VMP1: variants seen among roughly 807,000 people sequenced by gnomAD.
VMP1 encodes ectopic P-granules autophagy protein 3 homolog.
In VMP1, 11 loss-of-function variants were observed where a neutral mutation model predicts 56.0. The observed-to-expected ratio is 0.20, with a 90% confidence interval of 0.12 to 0.32. The LOEUF (loss-of-function observed/expected upper bound fraction) is 0.32, where lower values mean the gene tolerates loss of function less well. VMP1 is among the 10% of genes least tolerant of loss of function. The pLI is 1.00. For missense variants in VMP1, 296 were observed against 490.3 expected, an observed-to-expected ratio of 0.60 and a Z score of 3.74; for synonymous variants, 149 against 165.0, an observed-to-expected ratio of 0.90 and a Z score of 0.74.
chr17:59,753,493 A>G (rs2035729396), intron 5 of VMP1, among the ~76,000 whole-genome samples: 1 of 152,200 alleles, frequency 6.6e-6, no homozygotes, highest in South Asian at 2.1e-4. Flanking sequence ...GTTACAAGAC[A>G]AAAAGATGAT....
chr17:59,790,015 A>T (rs2037168867), intron 7 of VMP1, among the ~76,000 whole-genome samples: 1 of 151,184 alleles, frequency 6.6e-6, no homozygotes, highest in Non-Finnish European at 1.5e-5. Flanking sequence ...GTTTTTTTGT[A>T]TTTCTAGTAG....
chr17:59,788,593 CG>C (rs2144106927), intron 7 of VMP1, among the ~76,000 whole-genome samples: 1 of 152,106 alleles, frequency 6.6e-6, no homozygotes, highest in African/African-American at 2.4e-5. Context: ...CACCTGAGGT[CG>C]GAAGTTCCAG....
chr17:59,753,577 G>A (rs753551622), intron 5 of VMP1, among the ~76,000 whole-genome samples: 1 of 152,128 alleles, frequency 6.6e-6, no homozygotes, highest in Non-Finnish European at 1.5e-5. Context: ...AGGAGTCCAT[G>A]GGCTACAATT....
intron 1 of VMP1, among the ~76,000 whole-genome samples, chr17:59,729,150 A>G (rs963340360): frequency 6.6e-6 from 1 of 152,184 alleles, no homozygotes; most frequent in African/African-American, 2.4e-5. Context: ...TGGGTATACC[A>G]TATACCGTAT....
In VMP1 at chr17:59,737,553, C is replaced by T. The variant is rs749386849; in HGVS notation, c.303+10C>T. The T allele has an allele frequency of 1.1e-5, 18 of 1,595,240 alleles. No homozygotes were observed. The highest frequency in any genetic ancestry group is 6.9e-5 in the South Asian group (6 of 86,792). ...AGGAGTGCATCAACAGGTGAGAGGTCGAGCAATTCTGTTTCTAGTCTTGCA... is the reference window on the plus strand; with the variant it reads ...AGGAGTGCATCAACAGGTGAGAGGTTGAGCAATTCTGTTTCTAGTCTTGCA... On this transcript the variant is annotated intron_variant, in intron 4 of 11. Transcript: ENST00000262291.
At chr17:59,743,080 C>G (rs967030053) in intron 5 of VMP1, among the ~76,000 whole-genome samples, 10 of 152,150 alleles carry the variant, frequency 6.6e-5, no homozygotes, top group Admixed American at 6.5e-4. Flanking sequence ...TTATTTGTTA[C>G]AATTGAGGAA....
At chr17:59,717,825 C>G (rs2034226201) in intron 1 of VMP1, among the ~76,000 whole-genome samples, 1 of 152,010 alleles carries the variant, frequency 6.6e-6, no homozygotes, top group African/African-American at 2.4e-5. Context: ...GAGGCTGAAA[C>G]AGGAGAATTA....
intron 7 of VMP1, among the ~76,000 whole-genome samples, chr17:59,808,468 T>A (rs2037925941): frequency 6.6e-6 from 1 of 152,228 alleles, no homozygotes; most frequent in Non-Finnish European, 1.5e-5. Flanking sequence ...AGGTAGATGT[T>A]GTAGGCCAGT....
chr17:59,805,958 A>G (rs1029562331), intron 7 of VMP1, among the ~76,000 whole-genome samples: 18 of 152,148 alleles, frequency 1.2e-4, no homozygotes, highest in Non-Finnish European at 1.9e-4. Flanking sequence ...ATTTGCTATG[A>G]AAATTTTAAG....
At chr17:59,835,698 C>T (rs1475527942) in intron 10 of VMP1, among the ~76,000 whole-genome samples, 1 of 150,698 alleles carries the variant, frequency 6.6e-6, no homozygotes, top group Non-Finnish European at 1.5e-5. Flanking sequence ...CCATATTGGT[C>T]AGGCTGGTCT....
intron 5 of VMP1, among the ~76,000 whole-genome samples, chr17:59,752,345 G>C (rs1598340337): frequency 6.6e-6 from 1 of 152,202 alleles, no homozygotes; most frequent in South Asian, 2.1e-4. Flanking sequence ...TTGAATGACA[G>C]TAGTACACCG....
intron 10 of VMP1, among the ~76,000 whole-genome samples, chr17:59,832,310 G>A (rs2038835403): frequency 7.0e-6 from 1 of 143,046 alleles, no homozygotes; most frequent in Admixed American, 7.2e-5. Flanking sequence ...CTACAGGCAC[G>A]TGCCATCACA....
intron 10 of VMP1, among the ~76,000 whole-genome samples, chr17:59,824,384 C>A (rs1037621542): frequency 6.6e-6 from 1 of 151,186 alleles, no homozygotes; most frequent in East Asian, 1.9e-4. Context: ...CCAGCCTGGG[C>A]GACCTGATGA....
chr17:59,838,651 A>G, intron 11 of VMP1: 1 of 436,958 alleles, frequency 2.3e-6, no homozygotes, highest in Non-Finnish European at 4.2e-6. Flanking sequence ...ACATAGAATG[A>G]GTTGTTGCCT....
At chr17:59,809,984 C>T (rs2144221370) in intron 8 of VMP1, among the ~76,000 whole-genome samples, 1 of 152,188 alleles carries the variant, frequency 6.6e-6, no homozygotes, top group South Asian at 2.1e-4. Context: ...CCAAATTAAA[C>T]TACATTTAAC....
chr17:59,714,876 CT>C (rs2034092764), intron 1 of VMP1, among the ~76,000 whole-genome samples: 1 of 152,062 alleles, frequency 6.6e-6, no homozygotes, highest in African/African-American at 2.4e-5. Flanking sequence ...GGGATGGGGT[CT>C]TGTTATGTTG....
chr17:59,719,389 T>C (rs902071620), intron 1 of VMP1, among the ~76,000 whole-genome samples: 7 of 152,174 alleles, frequency 4.6e-5, no homozygotes, highest in African/African-American at 1.7e-4. Flanking sequence ...ATAATACTTA[T>C]TGGCTATCTT....
At chr17:59,735,158 C>G (rs1191852819) in intron 2 of VMP1, among the ~76,000 whole-genome samples, 180 bp from the exon 3 acceptor site, 1 of 152,002 alleles carries the variant, frequency 6.6e-6, no homozygotes, top group Non-Finnish European at 1.5e-5. Flanking sequence ...GTGATCTGCC[C>G]TCCTCAGCCT....
chr17:59,811,660 C>T lies in VMP1; in HGVS notation c.796-10C>T. Reference sequence around the variant, plus strand: ...TTATAATATGGAAGTCCTTCTTTTTCTCTCTATAGATTCCAAATCCTTTAT... The same window carrying T: ...TTATAATATGGAAGTCCTTCTTTTTTTCTCTATAGATTCCAAATCCTTTAT... On this transcript the variant is annotated splice_polypyrimidine_tract_variant and intron_variant, in intron 8 of 11. Transcript: ENST00000262291. 6.3e-7 allele frequency: 1 copy of T among 1,582,012 alleles called. No homozygotes were observed. The highest frequency in any genetic ancestry group is 8.6e-7 in the Non-Finnish European group (1 of 1,156,908).
Sources: gnomAD v4.1 joint callset for allele counts (sites outside exome capture counted in the v4.1 genomes callset) on GRCh38, gnomAD v4.1.1 for gene constraint, MANE v1.5 for transcripts, NCBI Gene and HGNC (gene_info 2026-07-23, HGNC 2026-07-21) for gene names.